Variants in SPAG16 observed in about 807,000 individuals in gnomAD.
SPAG16 encodes the protein sperm associated antigen 16, also known as sperm-associated antigen 16 protein.
A neutral mutation model predicts 80.4 loss-of-function variants in SPAG16; 86 were observed. The ratio of observed to expected loss-of-function variants is 1.07; its 90% CI spans 0.90 to 1.28. The LOEUF is 1.28. Among genes scored for constraint, SPAG16 ranks in the 50% most tolerant of loss-of-function variants. The pLI is 0.00. For missense variants in SPAG16, 870 were observed against 765.3 expected (o/e 1.14, Z -1.61); for synonymous variants, 294 against 265.9 (o/e 1.11, Z -1.03).
At chr2:213,966,057 G>A (rs374611759) in intron 12 of SPAG16, among the ~76,000 whole-genome samples, 2 of 152,186 alleles carry the variant, frequency 1.3e-5, no homozygotes, top group South Asian at 2.1e-4. Flanking sequence ...GTTAGCATTA[G>A]AATAGAGTTT....
chr2:214,128,857 AT>A (rs2054617158), intron 14 of SPAG16, among the ~76,000 whole-genome samples: 1 of 151,714 alleles, frequency 6.6e-6, no homozygotes, highest in Non-Finnish European at 1.5e-5. Flanking sequence ...GTACTTCCAG[AT>A]TTGTTAGGTG....
intron 10 of SPAG16, among the ~76,000 whole-genome samples, chr2:213,724,702 C>T (rs1369057241): frequency 7.3e-6 from 1 of 137,550 alleles, no homozygotes; most frequent in African/African-American, 2.7e-5. Context: ...TGCTTGAACT[C>T]GGCAATGGAG....
At chr2:213,942,354 C>T (rs562560253) in intron 12 of SPAG16, among the ~76,000 whole-genome samples, 2 of 152,300 alleles carry the variant, frequency 1.3e-5, no homozygotes, top group South Asian at 4.1e-4. Flanking sequence ...GTATTTCACA[C>T]CTTCCTCCTC....
At chr2:214,250,075 A>G (rs1690138060) in intron 15 of SPAG16, 1 of 152,124 alleles carries the variant, frequency 6.6e-6, no homozygotes, top group South Asian at 2.1e-4. Context: ...CAGAAAACTT[A>G]CTTTATTTCT....
intron 12 of SPAG16, among the ~76,000 whole-genome samples, chr2:213,963,648 G>T (rs981603203): frequency 2.6e-5 from 4 of 152,070 alleles, no homozygotes; most frequent in African/African-American, 9.7e-5. Context: ...GACTGCTTTT[G>T]TTGAATTGTT....
chr2:213,366,267 G>T (rs2066285653), intron 8 of SPAG16, among the ~76,000 whole-genome samples: 1 of 151,866 alleles, frequency 6.6e-6, no homozygotes, highest in African/African-American at 2.4e-5. Flanking sequence ...AACAAATGAT[G>T]GCCCCAAATT....
chr2:214,263,994 A>G (rs756258146), intron 15 of SPAG16, among the ~76,000 whole-genome samples: 7 of 152,232 alleles, frequency 4.6e-5, no homozygotes, highest in Non-Finnish European at 7.3e-5. Context: ...TTAAGTCTAT[A>G]CTTTTAAAAT....
chr2:213,481,466 A>G (rs1347394203), intron 9 of SPAG16, among the ~76,000 whole-genome samples: 2 of 152,192 alleles, frequency 1.3e-5, no homozygotes, highest in Non-Finnish European at 2.9e-5. Context: ...ACCATTTATC[A>G]CAACTGTGAA....
intron 5 of SPAG16, among the ~76,000 whole-genome samples, chr2:213,328,712 A>G (rs1434696196): frequency 6.6e-6 from 1 of 151,876 alleles, no homozygotes. Flanking sequence ...TCTGCCTTCT[A>G]TCTGTAGTTG....
At chr2:213,451,921 GC>G (rs1000293269) in intron 9 of SPAG16, among the ~76,000 whole-genome samples, 1 of 151,604 alleles carries the variant, frequency 6.6e-6, no homozygotes, top group African/African-American at 2.4e-5. Context: ...TCCCTGACTC[GC>G]CCCATACCCC....
chr2:214,303,065 T>C (rs1694674050), intron 15 of SPAG16, among the ~76,000 whole-genome samples: 1 of 152,248 alleles, frequency 6.6e-6, no homozygotes, highest in Non-Finnish European at 1.5e-5. Flanking sequence ...CTTTTGTTTT[T>C]TGTAATTCAA....
rs558261561 is a variant in SPAG16, at chr2:213,632,535, CTTG to C, written c.1070+142450_1070+142452del. ...AATAACAAGGATGACAGTGGGCATA[CTTG>C]TTGTGCTCTAGATCTTAGAGGAAAA... On this transcript the variant is annotated intron_variant, in intron 10 of 15. Coordinates refer to ENST00000331683, the MANE Select transcript of SPAG16 (RefSeq NM_024532.5). Among the ~76,000 whole-genome samples, 241 of 152,210 alleles carry C rather than the reference CTTG, an allele frequency of 1.6e-3. 1 individual carries two copies. The highest frequency in any genetic ancestry group is 2.2e-3 in the Non-Finnish European group (147 of 67,972).
At chr2:213,892,742 A>G (rs951144580) in intron 11 of SPAG16, among the ~76,000 whole-genome samples, 3 of 152,150 alleles carry the variant, frequency 2.0e-5, no homozygotes, top group African/African-American at 7.2e-5. Flanking sequence ...AACACAGCCT[A>G]CTTAAAAATA....
At chr2:214,034,466 G>A (rs1303976506) in intron 13 of SPAG16, among the ~76,000 whole-genome samples, 1 of 152,178 alleles carries the variant, frequency 6.6e-6, no homozygotes, top group Non-Finnish European at 1.5e-5. Flanking sequence ...TGGGCCTGCT[G>A]GGCCAACTCA....
chr2:213,721,713 T>C (rs2066542680), intron 10 of SPAG16, among the ~76,000 whole-genome samples: 1 of 152,024 alleles, frequency 6.6e-6, no homozygotes, highest in Non-Finnish European at 1.5e-5. Context: ...TGTCAAATAG[T>C]AAACCCTAGT....
chr2:213,837,391 A>G, intron 10 of SPAG16, among the ~76,000 whole-genome samples: 1 of 152,244 alleles, frequency 6.6e-6, no homozygotes, highest in East Asian at 1.9e-4. Flanking sequence ...TCATAAATGA[A>G]AATTACAAAT....
At chr2:214,379,493 C>G (rs1478973134) in intron 15 of SPAG16, among the ~76,000 whole-genome samples, 2 of 152,188 alleles carry the variant, frequency 1.3e-5, no homozygotes, top group Non-Finnish European at 2.9e-5. Context: ...TAAAGTTGAT[C>G]TACAAGAAAT....
intron 12 of SPAG16, among the ~76,000 whole-genome samples, chr2:213,949,470 A>G (rs1376487119): frequency 2.0e-5 from 3 of 152,014 alleles, no homozygotes; most frequent in East Asian, 3.9e-4. Context: ...CTCGGCCTAC[A>G]ATAGTTCTTT....
chr2:213,595,181 G>T (rs1426411251), intron 10 of SPAG16, among the ~76,000 whole-genome samples: 1 of 151,820 alleles, frequency 6.6e-6, no homozygotes, highest in Non-Finnish European at 1.5e-5. Context: ...GCAAATGATA[G>T]GCTGCTATTC....
Sources: gnomAD v4.1 joint callset for allele counts (sites outside exome capture counted in the v4.1 genomes callset) on GRCh38, gnomAD v4.1.1 for gene constraint, MANE v1.5 for transcripts, NCBI Gene and HGNC (gene_info 2026-07-23, HGNC 2026-07-21) for gene names.